Variants in SEPHS1 observed in about 807,000 individuals in gnomAD.
SEPHS1 encodes the protein selenophosphate synthetase 1, also known as zincore component SEPHS1.
A neutral mutation model predicts 39.2 loss-of-function variants in SEPHS1; 7 were observed. That is an observed-to-expected ratio of 0.18 (90% confidence interval 0.10 to 0.34). The LOEUF (loss-of-function observed/expected upper bound fraction) is 0.34, where lower values mean the gene tolerates loss of function less well. Ranked by LOEUF, SEPHS1 falls within the 10% of genes least tolerant of loss-of-function variation. SEPHS1 has a pLI of 1.00. For missense variants in SEPHS1, 253 were observed against 514.5 expected, an observed-to-expected ratio of 0.49 and a Z score of 4.92; for synonymous variants, 190 against 195.5, an observed-to-expected ratio of 0.97 and a Z score of 0.23.
At chr10:13,334,139 T>G (rs1004445585) in intron 4 of SEPHS1, among the ~76,000 whole-genome samples, 168 bp from the exon 5 acceptor site, 1 of 152,218 alleles carries the variant, frequency 6.6e-6, no homozygotes, top group African/African-American at 2.4e-5. Flanking sequence ...CGCTCACGCC[T>G]GTAATCCCAG....
At chr10:13,320,094 C>G (rs1234197386) in intron 8 of SEPHS1, among the ~76,000 whole-genome samples, 1 of 152,096 alleles carries the variant, frequency 6.6e-6, no homozygotes, top group African/African-American at 2.4e-5. Context: ...TATCTAGGTT[C>G]CAGTCATGAC....
chr10:13,323,572 C>T (rs949592984), intron 7 of SEPHS1, among the ~76,000 whole-genome samples: 2 of 151,996 alleles, frequency 1.3e-5, no homozygotes. Context: ...CCAGGCTGAT[C>T]TTGAACTCCT....
chr10:13,325,956 A>ATAAT (rs1554789096), intron 7 of SEPHS1, among the ~76,000 whole-genome samples: 2 of 113,928 alleles, frequency 1.8e-5, no homozygotes, highest in African/African-American at 3.6e-5. Context: ...CAAAAAAAAA[A>ATAAT]AAAAAAAATA....
chr10:13,336,097 T>G (rs1833624484), intron 4 of SEPHS1, 146 bp downstream of exon 4: 3 of 536,346 alleles, frequency 5.6e-6, no homozygotes. Context: ...TACTGGTAAC[T>G]GCCAAAAAGT....
At chr10:13,326,254 T>C (rs532360822) in intron 7 of SEPHS1, among the ~76,000 whole-genome samples, 4 of 151,972 alleles carry the variant, frequency 2.6e-5, no homozygotes, top group Admixed American at 2.0e-4. Flanking sequence ...GACAGGCGGA[T>C]CACAAGGTCA....
intron 2 of SEPHS1, among the ~76,000 whole-genome samples, chr10:13,340,211 T>C (rs1012320694): frequency 2.6e-4 from 40 of 151,894 alleles, no homozygotes; most frequent in African/African-American, 8.0e-4. Context: ...GCTGCAAAAA[T>C]GAAATCTCAC....
chr10:13,344,665 T>A (rs1833877890), intron 2 of SEPHS1, 93 bp downstream of exon 2: 1 of 928,714 alleles, frequency 1.1e-6, no homozygotes, highest in Non-Finnish European at 1.5e-6. Flanking sequence ...AAAGTAATAA[T>A]AAAAAATAAA....
intron 7 of SEPHS1, among the ~76,000 whole-genome samples, chr10:13,323,260 ATAG>A (rs904364786): frequency 1.3e-5 from 2 of 152,200 alleles, no homozygotes; most frequent in African/African-American, 2.4e-5. Flanking sequence ...GCTTCAATTA[ATAG>A]TAGTTTTCCA....
intron 2 of SEPHS1, among the ~76,000 whole-genome samples, chr10:13,339,870 C>A (rs914028626): frequency 6.6e-6 from 1 of 152,136 alleles, no homozygotes; most frequent in Admixed American, 6.5e-5. Context: ...TGCAACCATC[C>A]ACTTCTTTCC....
At chr10:13,328,677 A>G (rs1021091713) in intron 6 of SEPHS1, among the ~76,000 whole-genome samples, 1 of 152,190 alleles carries the variant, frequency 6.6e-6, no homozygotes. Context: ...TCTGTAATTA[A>G]GTGCTGTGAT....
At chr10:13,327,347 C>A (rs796785363) in intron 7 of SEPHS1, among the ~76,000 whole-genome samples, 161 of 150,974 alleles carry the variant, frequency 1.1e-3, no homozygotes, top group African/African-American at 3.9e-3. Flanking sequence ...ATATACTAAC[C>A]ATTACATAGT....
At chr10:13,330,139 A>C (rs967096325) in intron 5 of SEPHS1, among the ~76,000 whole-genome samples, 2 of 152,214 alleles carry the variant, frequency 1.3e-5, no homozygotes, top group Non-Finnish European at 2.9e-5. Context: ...AAAAAGAATG[A>C]AACATTTAGC....
chr10:13,334,503 T>C (rs1833566046), intron 4 of SEPHS1, among the ~76,000 whole-genome samples: 1 of 151,972 alleles, frequency 6.6e-6, no homozygotes, highest in African/African-American at 2.4e-5. Context: ...ATCGCATCAC[T>C]GCACTCCAGC....
rs557856181 is a variant in SEPHS1 at position 13,347,442 on chromosome 10, C to T, written c.-79+558G>A. 1.6e-3 allele frequency: 233 copies of T among 150,020 alleles called. 3 individuals are homozygous for T. In the East Asian group the frequency reaches 0.041, roughly 26 times the overall value. The allele number at this position is 150,020 out of a possible 1,614,324, so 9.3% of individuals were successfully genotyped here. Reference sequence around the variant, plus strand: ...GCAGGCCCGGGCTGCGGGCCGGCGGCGGGGCGGAGGCGGCAGCTCGGGGCC... The same window carrying T: ...GCAGGCCCGGGCTGCGGGCCGGCGGTGGGGCGGAGGCGGCAGCTCGGGGCC... On this transcript the variant is annotated intron_variant, in intron 1 of 8. Transcript: ENST00000327347.
At chr10:13,332,784 A>G (rs1833509984) in intron 5 of SEPHS1, among the ~76,000 whole-genome samples, 1 of 151,524 alleles carries the variant, frequency 6.6e-6, no homozygotes, top group Non-Finnish European at 1.5e-5. Context: ...TGGAGCTTGC[A>G]GTGAGCCGAG....
rs1299613623 is a variant in SEPHS1, at chr10:13,319,244, C to T, written c.1077G>A (p.Lys359=). The T allele has an allele frequency of 6.2e-7, 1 of 1,613,836 alleles. No individual in the cohort carries two copies. Among genetic ancestry groups the T allele is most frequent in the African/African-American group, 1.3e-5 (1 of 74,930 alleles). The change falls in exon 9 of 9, where the codon AAG becomes AAA. Residue 359 remains lysine (K), a synonymous_variant. Coordinates refer to ENST00000327347, the MANE Select transcript of SEPHS1 (RefSeq NM_012247.5). The part of the protein sequence containing the change: ...HQAWIIGIVE[K]GNRTARIIDK... ...CTATGATTCTGGCTGTGCGGTTGCC[C>T]TTCTCTACAATCCCAATAATCCATG...
intron 7 of SEPHS1, among the ~76,000 whole-genome samples, chr10:13,326,848 G>C (rs1055193219): frequency 6.6e-6 from 1 of 152,064 alleles, no homozygotes; most frequent in African/African-American, 2.4e-5. Flanking sequence ...TTTCTTACAA[G>C]TAACAACAAA....
At chr10:13,328,482 A>G (rs746185914) in intron 6 of SEPHS1, 32 bp from the exon 7 acceptor site, 4 of 1,447,740 alleles carry the variant, frequency 2.8e-6, no homozygotes, top group Non-Finnish European at 3.9e-6. Flanking sequence ...AGGGAGAGAA[A>G]GAGAGGAAAA....
At chr10:13,325,710 A>G (rs1833246089) in intron 7 of SEPHS1, among the ~76,000 whole-genome samples, 1 of 152,090 alleles carries the variant, frequency 6.6e-6, no homozygotes, top group South Asian at 2.1e-4. Context: ...CAGCCTGACC[A>G]ACATGGTGAA....
Sources: allele counts gnomAD v4.1 joint callset (sites outside exome capture counted in the v4.1 genomes callset), GRCh38; gene constraint gnomAD v4.1.1; transcripts MANE v1.5; gene names NCBI Gene and HGNC (gene_info 2026-07-23, HGNC 2026-07-21).